ATXN7L1: variants seen among roughly 807,000 people sequenced by gnomAD.
The protein encoded by ATXN7L1 is ataxin-7-like protein 1.
ATXN7L1 carries 15 observed loss-of-function variants against 70.8 expected under a neutral mutation model. The observed-to-expected ratio is 0.21, with a 90% CI of 0.14 to 0.33. ATXN7L1 has a LOEUF of 0.33. Among genes scored for constraint, ATXN7L1 ranks in the 10% least tolerant of loss-of-function variants. The pLI, the probability that ATXN7L1 is intolerant of heterozygous loss-of-function variation, is 1.00. For missense variants in ATXN7L1, 975 were observed against 1,097.1 expected (o/e 0.89, Z 1.57); for synonymous variants, 440 against 445.1 (o/e 0.99, Z 0.14).
chr7:105,708,422 C>T (rs1044881743), intron 3 of ATXN7L1, among the ~76,000 whole-genome samples: 1 of 152,198 alleles, frequency 6.6e-6, no homozygotes, highest in African/African-American at 2.4e-5. Flanking sequence ...CCAGTAAGGG[C>T]TCCTTCTAAA....
At chr7:105,635,299 G>C (rs760272383) in intron 7 of ATXN7L1, among the ~76,000 whole-genome samples, 2 of 152,166 alleles carry the variant, frequency 1.3e-5, no homozygotes, top group Non-Finnish European at 2.9e-5. Context: ...TGTTCCTTTA[G>C]AGTTGGAGGC....
At chr7:105,610,271 T>C (rs1793032556) in intron 11 of ATXN7L1, among the ~76,000 whole-genome samples, 1 of 152,212 alleles carries the variant, frequency 6.6e-6, no homozygotes, top group Admixed American at 6.5e-5. Flanking sequence ...ATGAATAGGC[T>C]AATCCTCACA....
intron 2 of ATXN7L1, among the ~76,000 whole-genome samples, chr7:105,846,254 G>T (rs1314664394): frequency 2.0e-5 from 3 of 151,950 alleles, no homozygotes; most frequent in Non-Finnish European, 4.4e-5. Context: ...TGGGAGGATC[G>T]CTTGAGCCTA....
chr7:105,730,700 C>G (rs1022204644), intron 3 of ATXN7L1, among the ~76,000 whole-genome samples: 94 of 151,916 alleles, frequency 6.2e-4, no homozygotes, highest in Non-Finnish European at 2.1e-4. Flanking sequence ...CCAGTGCACT[C>G]CAGCCTGGGC....
At chr7:105,726,572 C>G (rs982549428) in intron 3 of ATXN7L1, among the ~76,000 whole-genome samples, 5 of 152,152 alleles carry the variant, frequency 3.3e-5, no homozygotes, top group African/African-American at 1.2e-4. Flanking sequence ...CACACTCAGC[C>G]AAATGGCAAA....
chr7:105,865,450 G>A (rs1817265053), intron 2 of ATXN7L1, among the ~76,000 whole-genome samples: 1 of 150,340 alleles, frequency 6.7e-6, no homozygotes, highest in Non-Finnish European at 1.5e-5. Context: ...TGCCCAGGCT[G>A]GGGTGCAGTG....
At chr7:105,771,173 C>T (rs1801941447) in intron 3 of ATXN7L1, among the ~76,000 whole-genome samples, 2 of 149,360 alleles carry the variant, frequency 1.3e-5, no homozygotes, top group South Asian at 4.3e-4. Flanking sequence ...GCACTCCAGC[C>T]TGGGCGACAG....
intron 8 of ATXN7L1, 149 bp downstream of exon 8, chr7:105,623,926 A>T: frequency 1.6e-6 from 1 of 636,254 alleles, no homozygotes; most frequent in Non-Finnish European, 2.3e-6. Flanking sequence ...GGTATTTCTA[A>T]GGCAATCATT....
intron 3 of ATXN7L1, among the ~76,000 whole-genome samples, chr7:105,694,486 G>A (rs73717254): frequency 0.12 from 18,242 of 152,114 alleles, 1,150 homozygotes; most frequent in African/African-American, 0.13. Context: ...TGGGAAGGGC[G>A]GCTATTATTA....
chr7:105,812,728 T>C (rs1298167505), intron 2 of ATXN7L1, among the ~76,000 whole-genome samples: 1 of 152,180 alleles, frequency 6.6e-6, no homozygotes, highest in Non-Finnish European at 1.5e-5. Context: ...TAGCTGGGCA[T>C]GGTGGCTCAC....
At chr7:105,814,821 T>A (rs1277226532) in intron 2 of ATXN7L1, among the ~76,000 whole-genome samples, 1 of 152,224 alleles carries the variant, frequency 6.6e-6, no homozygotes, top group Admixed American at 6.5e-5. Flanking sequence ...GAAAATCTCA[T>A]GTACAAATAA....
intron 2 of ATXN7L1, among the ~76,000 whole-genome samples, chr7:105,816,524 T>C (rs2116553222): frequency 6.6e-6 from 1 of 152,302 alleles, no homozygotes; most frequent in South Asian, 2.1e-4. Context: ...TAAATGTGAT[T>C]TTCGTGCTGC....
chr7:105,694,593 C>T (rs1179450476), intron 3 of ATXN7L1, among the ~76,000 whole-genome samples: 1 of 152,238 alleles, frequency 6.6e-6, no homozygotes, highest in Non-Finnish European at 1.5e-5. Flanking sequence ...TCCTGGGTCT[C>T]AGCCTCATGG....
intron 2 of ATXN7L1, among the ~76,000 whole-genome samples, chr7:105,793,486 A>G (rs147416473): frequency 4.6e-4 from 70 of 152,166 alleles, no homozygotes; most frequent in African/African-American, 1.7e-3. Context: ...ACTCTCCCCC[A>G]TGACATTTCA....
chr7:105,829,910 T>C (rs542283383), intron 2 of ATXN7L1, among the ~76,000 whole-genome samples: 1 of 152,226 alleles, frequency 6.6e-6, no homozygotes, highest in South Asian at 2.1e-4. Flanking sequence ...TCAGGTTTTC[T>C]AAAACATTCC....
intron 3 of ATXN7L1, among the ~76,000 whole-genome samples, chr7:105,745,716 G>A (rs1422510917): frequency 6.6e-6 from 1 of 152,228 alleles, no homozygotes; most frequent in African/African-American, 2.4e-5. Context: ...GGGCCTGTTG[G>A]GAGGGGCAGG....
At chr7:105,695,879 T>C (rs748948533) in intron 3 of ATXN7L1, among the ~76,000 whole-genome samples, 6 of 152,298 alleles carry the variant, frequency 3.9e-5, no homozygotes, top group Admixed American at 3.9e-4. Context: ...CGTTGGGCAT[T>C]TGCTCTGAGG....
intron 3 of ATXN7L1, among the ~76,000 whole-genome samples, chr7:105,696,480 C>CTT (rs796867872): frequency 4.6e-5 from 7 of 152,254 alleles, no homozygotes; most frequent in African/African-American, 1.7e-4. Flanking sequence ...TCCACCCCCA[C>CTT]TTTTTTTAAG....
chr7:105,715,557 T>C (rs1436652938), intron 3 of ATXN7L1, among the ~76,000 whole-genome samples: 3 of 152,278 alleles, frequency 2.0e-5, no homozygotes, highest in Non-Finnish European at 4.4e-5. Context: ...ACTGGAGTAG[T>C]ATGCTATCTA....
Sources: allele counts gnomAD v4.1 joint callset (sites outside exome capture counted in the v4.1 genomes callset), GRCh38; gene constraint gnomAD v4.1.1; transcripts MANE v1.5; gene names NCBI Gene and HGNC (gene_info 2026-07-23, HGNC 2026-07-21).